ITPR1: variants seen among roughly 807,000 people sequenced by gnomAD.
The protein encoded by ITPR1 is inositol 1,4,5-trisphosphate receptor type 1, also known as inositol 1,4,5-trisphosphate-gated calcium channel ITPR1.
ITPR1 carries 96 observed loss-of-function variants against 318.4 expected under a neutral mutation model. The ratio of observed to expected loss-of-function variants is 0.30; its 90% CI spans 0.26 to 0.36. ITPR1 has a LOEUF of 0.36. ITPR1 is among the 10% of genes least tolerant of loss of function. The pLI is 1.00. For synonymous variants in ITPR1, 1,312 were observed against 1,289.9 expected, an observed-to-expected ratio of 1.02 and a Z score of -0.37; for missense variants, 2,440 against 3,460.2, an observed-to-expected ratio of 0.71 and a Z score of 7.40.
chr3:4,605,792 A>G (rs2091660817), intron 4 of ITPR1, among the ~76,000 whole-genome samples: 1 of 152,184 alleles, frequency 6.6e-6, no homozygotes, highest in Admixed American at 6.5e-5. Flanking sequence ...GCTGAGGCCT[A>G]GAGTGTGAAG....
At chr3:4,829,095 C>G (rs937778983) in intron 60 of ITPR1, among the ~76,000 whole-genome samples, 10 of 152,156 alleles carry the variant, frequency 6.6e-5, no homozygotes, top group Non-Finnish European at 1.0e-4. Flanking sequence ...GTTTGTGGGA[C>G]ATTTTTATAG....
chr3:4,705,970 A>AG (rs2094748387), intron 36 of ITPR1, among the ~76,000 whole-genome samples, 197 bp from the exon 37 acceptor site: 1 of 152,222 alleles, frequency 6.6e-6, no homozygotes, highest in Non-Finnish European at 1.5e-5. Context: ...GCTTCCCCCC[A>AG]GAATTCACAC....
At chr3:4,680,531 C>A in intron 24 of ITPR1, 22 bp from the exon 25 acceptor site, 1 of 1,608,438 alleles carries the variant, frequency 6.2e-7, no homozygotes, top group Non-Finnish European at 8.5e-7. Context: ...CAATCTGTTT[C>A]CATTTCCACT....
chr3:4,807,101 GAGAGGGGGGCTTACAA>G (rs2048609183), intron 55 of ITPR1, among the ~76,000 whole-genome samples: 1 of 13,756 alleles, frequency 7.3e-5, no homozygotes, highest in Non-Finnish European at 1.7e-4. Context: ...GGCTTACAAA[GAGAGGGGGGCTTACAA>G]AGAGAGGGGG....
At chr3:4,559,163 TG>T (rs1282676499) in intron 4 of ITPR1, among the ~76,000 whole-genome samples, 3 of 92,410 alleles carry the variant, frequency 3.2e-5, no homozygotes, top group East Asian at 3.2e-4. Flanking sequence ...CTGAAAAAGT[TG>T]TTTTTTTTTT....
chr3:4,511,119 C>T (rs975975292), intron 2 of ITPR1, among the ~76,000 whole-genome samples: 11 of 152,158 alleles, frequency 7.2e-5, no homozygotes, highest in African/African-American at 2.2e-4. Flanking sequence ...TGGGAATCCT[C>T]TTCACGTAAC....
intron 33 of ITPR1, among the ~76,000 whole-genome samples, chr3:4,694,796 C>T (rs963713389): frequency 6.6e-6 from 1 of 152,162 alleles, no homozygotes; most frequent in African/African-American, 2.4e-5. Context: ...TTAGTCAGTA[C>T]CTGACCATAC....
At chr3:4,731,366 A>T (rs1402268689) in intron 42 of ITPR1, among the ~76,000 whole-genome samples, 1 of 152,218 alleles carries the variant, frequency 6.6e-6, no homozygotes, top group African/African-American at 2.4e-5. Flanking sequence ...TGAGCAGTTT[A>T]TTTAAAAAGT....
intron 30 of ITPR1, among the ~76,000 whole-genome samples, chr3:4,687,789 A>G (rs915050754): frequency 4.6e-5 from 7 of 152,206 alleles, no homozygotes; most frequent in African/African-American, 1.7e-4. Flanking sequence ...CAGGGAGGGT[A>G]TTATCCCCAT....
rs867661293 is a variant in ITPR1 at position 4,535,442 on chromosome 3, A to T, written c.163+14348A>T. 8.5e-3 allele frequency among the ~76,000 whole-genome samples: 858 copies of T among 100,922 alleles called. 15 individuals carry two copies. Among genetic ancestry groups the T allele is most frequent in the African/African-American group, 0.027 (717 of 26,350 alleles). 66.2% of individuals were successfully genotyped at this position (100,922 alleles called of 152,430 possible). On this transcript the variant is annotated intron_variant, in intron 4 of 61. Transcript: ENST00000649015. ...AATTATTTTCTTTTTTTTTTTTTTA[A>T]TTTTTTTTTTTTTTTTTTGAGACGG...
rs559896037 is a variant in ITPR1 at position 4,584,694 on chromosome 3, T to C, written c.164-43069T>C. Among the ~76,000 whole-genome samples, 6 of 152,246 alleles carry C rather than the reference T, an allele frequency of 3.9e-5. No individual in the cohort carries two copies. In the South Asian group the frequency reaches 1.2e-3, roughly 32 times the overall value. On this transcript the variant is annotated intron_variant, in intron 4 of 61. Coordinates refer to ENST00000649015, the MANE Select transcript of ITPR1 (RefSeq NM_001378452.1). ...ATTAGTGAAGCTCCGGAACTCACTT[T>C]CATTTTCAAGAACCTGTTGGTGGAG...
At chr3:4,602,164 AT>A (rs2091336856) in intron 4 of ITPR1, among the ~76,000 whole-genome samples, 1 of 152,216 alleles carries the variant, frequency 6.6e-6, no homozygotes, top group Non-Finnish European at 1.5e-5. Flanking sequence ...TTACTATATG[AT>A]TCAGCAGTTT....
intron 8 of ITPR1, 76 bp from the exon 9 acceptor site, chr3:4,645,311 G>A (rs2093429334): frequency 3.1e-6 from 3 of 960,120 alleles, no homozygotes; most frequent in Middle Eastern, 2.7e-4. Context: ...CCTAGGCTGC[G>A]GTGAGAAGTC....
chr3:4,713,581 C>A (rs1021842120), intron 39 of ITPR1, among the ~76,000 whole-genome samples: 1 of 152,132 alleles, frequency 6.6e-6, no homozygotes, highest in Non-Finnish European at 1.5e-5. Flanking sequence ...CCATTAGTGC[C>A]AACTGGGAGA....
Position 4,638,783 on chromosome 3 carries a change from A to G in ITPR1, c.280-601A>G, listed in dbSNP as rs544818760. Among the ~76,000 whole-genome samples, 50 of 152,294 alleles carry G rather than the reference A, an allele frequency of 3.3e-4. 1 individual carries two copies. The highest frequency in any genetic ancestry group is 5.1e-4 in the Non-Finnish European group (35 of 68,032). On this transcript the variant is annotated intron_variant, in intron 5 of 61. Coordinates refer to ENST00000649015, the MANE Select transcript of ITPR1 (RefSeq NM_001378452.1). ...GGGATAATAATGTTCTTTTCACGGAATGATTATAAAATTGATTACATTATG... is the reference window on the plus strand; with the variant it reads ...GGGATAATAATGTTCTTTTCACGGAGTGATTATAAAATTGATTACATTATG...
intron 46 of ITPR1, 88 bp downstream of exon 46, chr3:4,768,852 G>A (rs2045990748): frequency 1.6e-6 from 2 of 1,272,850 alleles, no homozygotes; most frequent in Non-Finnish European, 1.1e-6. Flanking sequence ...CCTCTCACTT[G>A]GGCCAGATTG....
chr3:4,677,420 G>A (rs555238181), intron 24 of ITPR1, among the ~76,000 whole-genome samples: 1 of 152,322 alleles, frequency 6.6e-6, no homozygotes, highest in African/African-American at 2.4e-5. Flanking sequence ...ATTGTGTTTG[G>A]TGAGGTTATC....
chr3:4,837,536 C>T (rs1220547158), intron 61 of ITPR1, among the ~76,000 whole-genome samples: 1 of 151,976 alleles, frequency 6.6e-6, no homozygotes, highest in Non-Finnish European at 1.5e-5. Context: ...AGAAATACTG[C>T]CTGCACCCTG....
chr3:4,835,044 C>T (rs756992217), intron 60 of ITPR1, among the ~76,000 whole-genome samples: 1 of 152,188 alleles, frequency 6.6e-6, no homozygotes, highest in Non-Finnish European at 1.5e-5. Flanking sequence ...TGAATGTCTA[C>T]TATGCTCTAG....
Sources: allele counts gnomAD v4.1 joint callset (sites outside exome capture counted in the v4.1 genomes callset), GRCh38; gene constraint gnomAD v4.1.1; transcripts MANE v1.5; gene names NCBI Gene and HGNC (gene_info 2026-07-23, HGNC 2026-07-21).